The following IPO8 variants were observed in gnomAD, a reference collection of about 807,000 sequenced individuals.
IPO8 encodes the protein importin 8.
IPO8 carries 65 observed loss-of-function variants against 141.2 expected under a neutral mutation model. That is an observed-to-expected ratio of 0.46 (90% confidence interval 0.38 to 0.57). The LOEUF (loss-of-function observed/expected upper bound fraction) is 0.57, where lower values mean the gene tolerates loss of function less well. Ranked by LOEUF, IPO8 falls within the 20% of genes least tolerant of loss-of-function variation. The pLI is 0.00. For missense variants in IPO8, 980 were observed against 1,246.8 expected, an observed-to-expected ratio of 0.79 and a Z score of 3.22; for synonymous variants, 411 against 420.3, an observed-to-expected ratio of 0.98 and a Z score of 0.27.
intron 20 of IPO8, among the ~76,000 whole-genome samples, chr12:30,643,959 C>T (rs2052606497): frequency 6.6e-6 from 1 of 152,006 alleles, no homozygotes. Context: ...CTTCTTTAGC[C>T]CCACTCATGT....
In IPO8 at chr12:30,669,203, T is replaced by C; in HGVS notation, c.1124A>G (p.Glu375Gly). ...ATTACCAAATTTCATCCTTATATAC[T>C]CATATGGATCTTCTTGCCACAGCTC... The part of the protein sequence containing the change: ...DEELWQEDPY[E>G]YIRMKFDIFE... The change falls in exon 10 of 25, where the codon GAG becomes GGG. Residue 375 changes from glutamate (E) to glycine (G), a missense_variant. Physicochemically the swap from Glu to Gly is moderately conservative, Grantham distance 98. Coordinates refer to ENST00000256079, the MANE Select transcript of IPO8 (RefSeq NM_006390.4). 1 of 1,565,288 alleles carries C rather than the reference T, an allele frequency of 6.4e-7. No individual in the cohort carries two copies. Among genetic ancestry groups the C allele is most frequent in the South Asian group, 1.1e-5 (1 of 88,586 alleles).
At chr12:30,654,628 C>T (rs1454847142) in intron 17 of IPO8, among the ~76,000 whole-genome samples, 1 of 151,864 alleles carries the variant, frequency 6.6e-6, no homozygotes, top group Non-Finnish European at 1.5e-5. Flanking sequence ...TATTTTAAAT[C>T]ACTAATCATC....
intron 17 of IPO8, among the ~76,000 whole-genome samples, chr12:30,656,400 C>A (rs890484892): frequency 6.6e-6 from 1 of 152,088 alleles, no homozygotes; most frequent in Non-Finnish European, 1.5e-5. Context: ...ATTAAGGTAA[C>A]CTCACCTAAA....
chr12:30,669,367 C>A, intron 9 of IPO8, 85 bp from the exon 10 acceptor site: 1 of 571,478 alleles, frequency 1.7e-6, no homozygotes, highest in Non-Finnish European at 3.0e-6. Context: ...TTGTTGACAG[C>A]CTTTATGATG....
At chr12:30,648,121 T>C (rs1222545949) in intron 20 of IPO8, among the ~76,000 whole-genome samples, 1 of 152,188 alleles carries the variant, frequency 6.6e-6, no homozygotes, top group East Asian at 1.9e-4. Context: ...CAAAAACTTG[T>C]ACACAAAAGT....
chr12:30,662,622 A>C lies in IPO8; in HGVS notation c.1595-135T>G, dbSNP rs978464527. On this transcript the variant is annotated intron_variant, in intron 14 of 24. Transcript: ENST00000256079. ...CTAGATACACACTTGCTCTGTGGTAAGTTACAAAGCTGTACCTAAATAATG... is the reference window on the plus strand; with the variant it reads ...CTAGATACACACTTGCTCTGTGGTACGTTACAAAGCTGTACCTAAATAATG... The C allele has an allele frequency of 9.9e-6, 7 of 706,148 alleles. No homozygotes were observed. In the African/African-American group the frequency reaches 1.2e-4, roughly 12 times the overall value. The allele number at this position is 706,148 out of a possible 1,614,324, so 43.7% of individuals were successfully genotyped here.
In IPO8 at chr12:30,639,673, C is replaced by G; in HGVS notation, c.2331G>C (p.Glu777Asp). The G allele has an allele frequency of 6.2e-7, 1 of 1,614,106 alleles. No individual in the cohort carries two copies. Among genetic ancestry groups the G allele is most frequent in the Non-Finnish European group, 8.5e-7 (1 of 1,180,004 alleles). The change falls in exon 21 of 25, where the codon GAG becomes GAC. Residue 777 changes from glutamate to aspartate, a missense_variant. Around this residue, in one of 3 missense-constraint regions of IPO8, gnomAD observed 924 missense variants for 1,153.9 expected, o/e 0.80. Coordinates refer to ENST00000256079, the MANE Select transcript of IPO8 (RefSeq NM_006390.4). ...CAACCTGAAGACACATAGTACGAAG[C>G]TCACTAGTTTTGACCCCTCGAGTTA... ...ERLTRGVKTS[E>D]LRTMCLQVAI...
intron 22 of IPO8, 76 bp downstream of exon 22, chr12:30,636,906 A>T: frequency 3.4e-6 from 4 of 1,183,396 alleles, no homozygotes; most frequent in Non-Finnish European, 5.0e-6. Context: ...ATGTCTCCAT[A>T]TAGACTAGTA....
In IPO8 at chr12:30,630,828, C is replaced by T. The variant is rs1308470812; in HGVS notation, c.*32G>A. 2.1e-5 allele frequency: 32 copies of T among 1,531,802 alleles called. No homozygotes were observed. Among genetic ancestry groups the T allele is most frequent in the Non-Finnish European group, 2.8e-5 (31 of 1,107,812 alleles). 94.9% of individuals were successfully genotyped at this position (1,531,802 alleles called of 1,614,324 possible). ...ACTCCTCTTGTGAAATAAAATGCAG[C>T]GATGACATTTGGTCAGCTGATGTTC... On this transcript the variant is annotated 3_prime_UTR_variant, in exon 25 of 25. Transcript: ENST00000256079.
At chr12:30,650,354 GAC>G (rs1354833023) in intron 19 of IPO8, among the ~76,000 whole-genome samples, 4 of 151,988 alleles carry the variant, frequency 2.6e-5, no homozygotes, top group African/African-American at 9.7e-5. Context: ...CATATACAAA[GAC>G]AGAAAAAAGT....
rs2052397286 is a variant in IPO8, at chr12:30,629,108, C to T, written c.*1752G>A. ...TAACAAAATCATACAACTACCCTGG[C>T]TTCAAAAACAAGATAGGGTAATGCA... On this transcript the variant is annotated 3_prime_UTR_variant, in exon 25 of 25. Transcript: ENST00000256079. The T allele has an allele frequency of 6.6e-6, 1 of 152,160 alleles. No homozygotes were observed. The highest frequency in any genetic ancestry group is 2.4e-5 in the African/African-American group (1 of 41,436). 9.4% of individuals were successfully genotyped at this position (152,160 alleles called of 1,614,324 possible).
intron 19 of IPO8, among the ~76,000 whole-genome samples, chr12:30,650,090 GA>G (rs563811188): frequency 2.7e-4 from 41 of 149,496 alleles, no homozygotes; most frequent in African/African-American, 7.9e-4. Context: ...TTTTTAAGAA[GA>G]AAAAAAAGCA....
At chr12:30,652,924 C>CTA (rs1461744072) in intron 18 of IPO8, 43 bp downstream of exon 18, 1 of 1,540,336 alleles carries the variant, frequency 6.5e-7, no homozygotes. Context: ...GAAGAAGTAT[C>CTA]TAGACACAGA....
intron 1 of IPO8, among the ~76,000 whole-genome samples, chr12:30,693,454 C>G (rs1360641053): frequency 6.6e-6 from 1 of 152,198 alleles, no homozygotes; most frequent in East Asian, 1.9e-4. Flanking sequence ...CGGCAATTGA[C>G]AGATCCATCA....
chr12:30,645,453 T>C (rs989825012), intron 20 of IPO8, among the ~76,000 whole-genome samples: 2 of 147,930 alleles, frequency 1.4e-5, no homozygotes, highest in Admixed American at 6.7e-5. Flanking sequence ...CTCAAATCAA[T>C]AATCTAACCT....
In IPO8 at chr12:30,679,586, G is replaced by GA. The variant is rs68104812; in HGVS notation, c.639+895dup. Among the ~76,000 whole-genome samples the GA allele has an allele frequency of 2.1e-4, 32 of 149,778 alleles. No individual in the cohort carries two copies. The South Asian group carries it at 4.0e-3, about 19-fold the overall frequency. On this transcript the variant is annotated intron_variant, in intron 5 of 24. Coordinates refer to ENST00000256079, the MANE Select transcript of IPO8 (RefSeq NM_006390.4). ...TCCCTGCAAAAAGGCTGCTCTGGGG[G>GA]AAAAAAAAAAATATCTGCCTCAGAC...
chr12:30,642,924 T>TA (rs1266118877), intron 20 of IPO8, among the ~76,000 whole-genome samples: 27 of 151,996 alleles, frequency 1.8e-4, no homozygotes, highest in African/African-American at 6.5e-4. Context: ...CTGAAACACA[T>TA]AGAGTAAATT....
At position 30,695,467 on chromosome 12, in the gene IPO8, TG is replaced by T; in HGVS notation, c.84+96del. On this transcript the variant is annotated intron_variant, in intron 1 of 24. Transcript: ENST00000256079. The surrounding 1 kb of genome is among the most constrained non-coding windows in gnomAD (Gnocchi z 4.2). Reference sequence around the variant, plus strand: ...CCGTGAGGCGTCAGCCCCAGCCCGGTGGGGGTGAGGACGAGGGGCGCCGGGG... The same window carrying T: ...CCGTGAGGCGTCAGCCCCAGCCCGGTGGGGTGAGGACGAGGGGCGCCGGGG... The T allele has an allele frequency of 9.5e-7, 1 of 1,055,286 alleles. No individual in the cohort carries two copies. The highest frequency in any genetic ancestry group is 1.4e-6 in the Non-Finnish European group (1 of 696,246). The allele number at this position is 1,055,286 out of a possible 1,614,324, so 65.4% of individuals were successfully genotyped here. A position where few individuals can be genotyped will look rare whatever the true frequency, so the allele number is the denominator to read the frequency against.
chr12:30,688,371 C>T (rs1173708002), intron 2 of IPO8: 1 of 423,166 alleles, frequency 2.4e-6, no homozygotes, highest in East Asian at 8.3e-5. Context: ...AGTGAGCACG[C>T]TTGATGGTAG....
Sources: allele counts gnomAD v4.1 joint callset (sites outside exome capture counted in the v4.1 genomes callset), GRCh38; gene constraint gnomAD v4.1.1; regional missense constraint gnomAD v4.1.1; non-coding constraint Gnocchi (gnomAD v3.1); transcripts MANE v1.5; gene names NCBI Gene and HGNC (gene_info 2026-07-23, HGNC 2026-07-21).